The following SLC44A1 variants were observed in gnomAD, a reference collection of about 807,000 sequenced individuals.
The protein encoded by SLC44A1 is solute carrier family 44 member 1, also known as choline transporter-like protein 1.
SLC44A1 carries 26 observed loss-of-function variants against 79.3 expected under a neutral mutation model. That is an observed-to-expected ratio of 0.33 (90% CI 0.24 to 0.46). The LOEUF (loss-of-function observed/expected upper bound fraction) is 0.46, where lower values mean the gene tolerates loss of function less well. Ranked by LOEUF, SLC44A1 falls within the 20% of genes least tolerant of loss-of-function variation. The probability of loss-of-function intolerance (pLI) is 1.00; values close to 1 mark genes in which losing one functional copy is unlikely to be tolerated. For synonymous variants in SLC44A1, 263 were observed against 286.2 expected, an observed-to-expected ratio of 0.92 and a Z score of 0.82; for missense variants, 688 against 798.1, an observed-to-expected ratio of 0.86 and a Z score of 1.66.
At chr9:105,265,064 G>A (rs1829929836) in intron 1 of SLC44A1, among the ~76,000 whole-genome samples, 1 of 152,166 alleles carries the variant, frequency 6.6e-6, no homozygotes, top group African/African-American at 2.4e-5. Flanking sequence ...CCAAAGTGCT[G>A]GGATTACAGG....
chr9:105,309,589 G>A (rs1343306194), intron 2 of SLC44A1, 135 bp from the exon 3 acceptor site: 1 of 715,992 alleles, frequency 1.4e-6, no homozygotes, highest in Non-Finnish European at 2.3e-6. Context: ...GAAAACAGTG[G>A]AATAGTGTTT....
intron 3 of SLC44A1, among the ~76,000 whole-genome samples, chr9:105,326,944 A>G (rs1308219369): frequency 6.6e-6 from 1 of 152,134 alleles, no homozygotes; most frequent in African/African-American, 2.4e-5. Context: ...GTCCTTCGGT[A>G]CTCTGCTCCT....
rs142184741 is a variant in SLC44A1, at chr9:105,316,720, G to T, written c.269+6854G>T. 1.7e-3 allele frequency among the ~76,000 whole-genome samples: 263 copies of T among 152,308 alleles called. 2 individuals are homozygous for T. The highest frequency in any genetic ancestry group is 5.9e-3 in the African/African-American group (246 of 41,562). On this transcript the variant is annotated intron_variant, in intron 3 of 15. Coordinates refer to ENST00000374720, the MANE Select transcript of SLC44A1 (RefSeq NM_080546.5). ...GTAAAAGTGTTGTCTATTGAAAGCT[G>T]AGTGACTCCACTTTCCTGAGTTCCT...
rs1554790127 is a variant in SLC44A1, at chr9:105,304,944, G to GTTTTTTTTTGTTTTTT, written c.127-4771_127-4770insGTTTTTTTTTTTTTTT. ...GTAGTTATTCCCTAGACTTTCTATC[G>GTTTTTTTTTGTTTTTT]TTTTTTTTTTTTTTTTTTTTTTTTT... On this transcript the variant is annotated intron_variant, in intron 2 of 15. Transcript: ENST00000374720. Among the ~76,000 whole-genome samples the GTTTTTTTTTGTTTTTT allele has an allele frequency of 3.0e-4, 6 of 20,078 alleles. 3 individuals are homozygous for GTTTTTTTTTGTTTTTT. Among genetic ancestry groups the GTTTTTTTTTGTTTTTT allele is most frequent in the Non-Finnish European group, 6.7e-4 (6 of 8,998 alleles). The allele number at this position is 20,078 out of a possible 152,430, so 13.2% of individuals were successfully genotyped here. A position where few individuals can be genotyped will look rare whatever the true frequency, so the allele number is the denominator to read the frequency against.
intron 1 of SLC44A1, among the ~76,000 whole-genome samples, chr9:105,246,255 C>T (rs775669009): frequency 3.7e-4 from 56 of 152,064 alleles, no homozygotes; most frequent in African/African-American, 9.7e-5. Context: ...TTTTAAATAA[C>T]CTGCATACTT....
chr9:105,404,252 AAAAG>A (rs1323646020), intron 15 of SLC44A1, among the ~76,000 whole-genome samples: 2 of 151,494 alleles, frequency 1.3e-5, no homozygotes, highest in Non-Finnish European at 2.9e-5. Context: ...AAAAAAAAAA[AAAAG>A]AATGGAGAGA....
intron 15 of SLC44A1, chr9:105,386,530 A>G (rs1828630250): frequency 5.1e-6 from 3 of 591,804 alleles, no homozygotes; most frequent in Non-Finnish European, 6.4e-6. Flanking sequence ...TGGCTTAGGA[A>G]GGCTTTCAAC....
chr9:105,287,710 A>T (rs1003384137), intron 1 of SLC44A1, among the ~76,000 whole-genome samples: 1 of 152,158 alleles, frequency 6.6e-6, no homozygotes, highest in Non-Finnish European at 1.5e-5. Flanking sequence ...TGTTTAGAAG[A>T]CTAGCTAGAA....
At chr9:105,403,992 A>T (rs955717147) in intron 15 of SLC44A1, among the ~76,000 whole-genome samples, 1 of 151,888 alleles carries the variant, frequency 6.6e-6, no homozygotes, top group African/African-American at 2.4e-5. Flanking sequence ...TCAGGGGAAA[A>T]ATTACCCTGA....
Position 105,358,415 on chromosome 9 carries a change from G to A in SLC44A1, c.742G>A (p.Val248Ile). 1 of 1,585,078 alleles carries A rather than the reference G, an allele frequency of 6.3e-7. No homozygotes were observed. Among genetic ancestry groups the A allele is most frequent in the Middle Eastern group, 1.7e-4 (1 of 6,010 alleles). ...ACTTGTGTGGATCTTAACGATTCTG[G>A]TCATACTCGGTTCACTTGGTAAGCT... ...RVLVWILTIL[V>I]ILGSLGGTGV... The change falls in exon 7 of 16, where the codon GTC (valine) becomes ATC (isoleucine). Residue 248 changes from valine to isoleucine, a missense_variant. Physicochemically the swap from Val to Ile is conservative, Grantham distance 29. Coordinates refer to ENST00000374720, the MANE Select transcript of SLC44A1 (RefSeq NM_080546.5).
intron 15 of SLC44A1, among the ~76,000 whole-genome samples, chr9:105,416,270 T>G (rs1424311870): frequency 6.6e-6 from 1 of 151,446 alleles, no homozygotes; most frequent in Non-Finnish European, 1.5e-5. Flanking sequence ...AATTCTTATC[T>G]GACATCAAAG....
At chr9:105,407,009 G>A (rs1829037744) in intron 15 of SLC44A1, among the ~76,000 whole-genome samples, 1 of 152,130 alleles carries the variant, frequency 6.6e-6, no homozygotes, top group African/African-American at 2.4e-5. Flanking sequence ...GGGTTCAGTA[G>A]CAGATTTGAG....
intron 3 of SLC44A1, among the ~76,000 whole-genome samples, chr9:105,322,579 C>T (rs996044159): frequency 2.0e-5 from 3 of 151,956 alleles, no homozygotes; most frequent in South Asian, 2.1e-4. Flanking sequence ...CATTCTAGGC[C>T]GAAACCTGTT....
intron 4 of SLC44A1, among the ~76,000 whole-genome samples, chr9:105,336,132 G>C (rs898053419): frequency 7.6e-5 from 11 of 143,924 alleles, no homozygotes; most frequent in Non-Finnish European, 1.5e-4. Flanking sequence ...GTGTGTGTGT[G>C]CATGTGTGTG....
Position 105,396,040 on chromosome 9 carries a change from G to C in SLC44A1, c.*6984G>C. 1 of 985,252 alleles carries C rather than the reference G, an allele frequency of 1.0e-6. No individual in the cohort carries two copies. The highest frequency in any genetic ancestry group is 1.2e-6 in the Non-Finnish European group (1 of 829,928). 61.0% of individuals were successfully genotyped at this position (985,252 alleles called of 1,614,324 possible). A position where few individuals can be genotyped will look rare whatever the true frequency, so the allele number is the denominator to read the frequency against. On this transcript the variant is annotated 3_prime_UTR_variant, in exon 16 of 16. Transcript: ENST00000374720. ...TCTAGGTTCCTGTAGTCTGTGCTCA[G>C]AACTTGGTTTTTGGCCCCTATTGTT...
intron 8 of SLC44A1, among the ~76,000 whole-genome samples, chr9:105,361,745 T>C (rs1372417987): frequency 1.3e-5 from 2 of 152,256 alleles, no homozygotes; most frequent in Non-Finnish European, 2.9e-5. Flanking sequence ...TTTAACTTTA[T>C]GGCGTTATTT....
chr9:105,389,187 A>T lies in SLC44A1; in HGVS notation c.*131A>T. On this transcript the variant is annotated 3_prime_UTR_variant, in exon 16 of 16. Coordinates refer to ENST00000374720, the MANE Select transcript of SLC44A1 (RefSeq NM_080546.5). ...TATATATGTATATGTATATACACAC[A>T]CACACATAAATCAGCCAAAATCAGA... is the stretch of plus-strand genomic sequence containing the variant. 3 of 1,382,164 alleles carry T rather than the reference A, an allele frequency of 2.2e-6. No individual in the cohort carries two copies. Among genetic ancestry groups the T allele is most frequent in the South Asian group, 2.0e-5 (1 of 51,188 alleles). 85.6% of individuals were successfully genotyped at this position (1,382,164 alleles called of 1,614,324 possible).
chr9:105,348,209 T>C, intron 4 of SLC44A1, 149 bp from the exon 5 acceptor site: 1 of 512,170 alleles, frequency 2.0e-6, no homozygotes, highest in Non-Finnish European at 3.5e-6. Context: ...TTTAAATGAT[T>C]GAGGACTTAT....
At chr9:105,309,584 CAG>C (rs1362169945) in intron 2 of SLC44A1, 138 bp from the exon 3 acceptor site, 2 of 687,248 alleles carry the variant, frequency 2.9e-6, no homozygotes, top group Non-Finnish European at 4.8e-6. Context: ...CCAAGGAAAA[CAG>C]TGGAATAGTG....
Sources: allele counts gnomAD v4.1 joint callset (sites outside exome capture counted in the v4.1 genomes callset), GRCh38; gene constraint gnomAD v4.1.1; transcripts MANE v1.5; gene names NCBI Gene and HGNC (gene_info 2026-07-23, HGNC 2026-07-21).